Variants in PTPRR observed in about 807,000 individuals in gnomAD.
PTPRR encodes protein tyrosine phosphatase receptor type R, also known as receptor-type tyrosine-protein phosphatase R.
PTPRR carries 38 observed loss-of-function variants against 77.2 expected under a neutral mutation model. The ratio of observed to expected loss-of-function variants is 0.49; its 90% CI spans 0.38 to 0.65. The LOEUF (loss-of-function observed/expected upper bound fraction) is 0.65. Among genes scored for constraint, PTPRR ranks in the 30% least tolerant of loss-of-function variants. The pLI, the probability that PTPRR is intolerant of heterozygous loss-of-function variation, is 0.00. For synonymous variants in PTPRR, 299 were observed against 283.1 expected (o/e 1.06, Z -0.57); for missense variants, 744 against 799.2 (o/e 0.93, Z 0.83).
chr12:70,718,935 TTCCACCAATAA>T (rs1340016577), intron 6 of PTPRR, among the ~76,000 whole-genome samples: 4 of 152,202 alleles, frequency 2.6e-5, no homozygotes, highest in African/African-American at 7.2e-5. Flanking sequence ...TACGCACATT[TTCCACCAATAA>T]TTCTCCATGT....
At chr12:70,736,232 T>C (rs974007630) in intron 6 of PTPRR, among the ~76,000 whole-genome samples, 1 of 152,182 alleles carries the variant, frequency 6.6e-6, no homozygotes, top group Non-Finnish European at 1.5e-5. Context: ...AATGGTTATC[T>C]GTCATGAGTG....
chr12:70,757,883 T>C (rs1182728008), intron 4 of PTPRR, among the ~76,000 whole-genome samples: 1 of 152,164 alleles, frequency 6.6e-6, no homozygotes, highest in Non-Finnish European at 1.5e-5. Flanking sequence ...AAAAAATGAA[T>C]AAAGTTGTAA....
rs370679078 is a variant in PTPRR, at chr12:70,746,090, T to C, written c.739-4A>G. 3.7e-5 allele frequency: 59 copies of C among 1,604,132 alleles called. No homozygotes were observed. The African/African-American group carries it at 5.2e-4, about 14-fold the overall frequency. ...TTTCTTTTAATCTGTAAAGAATCTA[T>C]AGAAGGAGATATAAAAAACTCCTGT... On this transcript the variant is annotated splice_polypyrimidine_tract_variant and splice_region_variant and intron_variant, in intron 5 of 13. Transcript: ENST00000283228.
chr12:70,717,862 A>G (rs564005966), intron 6 of PTPRR, among the ~76,000 whole-genome samples: 1 of 152,346 alleles, frequency 6.6e-6, no homozygotes, highest in South Asian at 2.1e-4. Flanking sequence ...TCTGTTTATC[A>G]TAATGTTTTG....
chr12:70,796,065 A>T (rs1891508290), intron 2 of PTPRR, among the ~76,000 whole-genome samples: 1 of 151,740 alleles, frequency 6.6e-6, no homozygotes, highest in Non-Finnish European at 1.5e-5. Flanking sequence ...CTGGGACTAC[A>T]GGTGCTTGCC....
intron 2 of PTPRR, among the ~76,000 whole-genome samples, chr12:70,867,236 G>A (rs1892869355): frequency 6.6e-6 from 1 of 152,058 alleles, no homozygotes; most frequent in South Asian, 2.1e-4. Context: ...ATCAGGAAAA[G>A]AGGAAGTCAA....
intron 6 of PTPRR, among the ~76,000 whole-genome samples, chr12:70,737,017 C>T (rs1337036925): frequency 6.6e-6 from 1 of 152,182 alleles, no homozygotes; most frequent in Non-Finnish European, 1.5e-5. Flanking sequence ...GGGAGGGTAG[C>T]CTGTTAGTGG....
intron 12 of PTPRR, among the ~76,000 whole-genome samples, chr12:70,657,586 C>G (rs1191288376): frequency 6.6e-6 from 1 of 152,202 alleles, no homozygotes; most frequent in Non-Finnish European, 1.5e-5. Context: ...TACATCTAGA[C>G]TCCCTAAATT....
At chr12:70,692,214 C>A in intron 8 of PTPRR, among the ~76,000 whole-genome samples, 2 of 152,040 alleles carry the variant, frequency 1.3e-5, no homozygotes, top group Non-Finnish European at 2.9e-5. Flanking sequence ...GTCCGTTGGA[C>A]TCAATTTTAT....
intron 3 of PTPRR, among the ~76,000 whole-genome samples, chr12:70,764,281 G>A (rs1269485104): frequency 6.6e-6 from 1 of 152,080 alleles, no homozygotes; most frequent in African/African-American, 2.4e-5. Flanking sequence ...TGATATAGAA[G>A]CTTTCACTCT....
chr12:70,894,907 G>T (rs77494932), intron 1 of PTPRR, among the ~76,000 whole-genome samples: 1 of 151,618 alleles, frequency 6.6e-6, no homozygotes, highest in Non-Finnish European at 1.5e-5. Flanking sequence ...TAGCATGCTC[G>T]GAACTGAAGA....
intron 4 of PTPRR, among the ~76,000 whole-genome samples, chr12:70,759,679 T>TAAAAAAAAAAAAAAAA (rs34011060): frequency 2.9e-5 from 1 of 34,430 alleles, no homozygotes; most frequent in Non-Finnish European, 5.6e-5. Flanking sequence ...GACTCCGTCT[T>TAAAAAAAAAAAAAAAA]AAAAAAAAAA....
At chr12:70,741,429 G>A (rs889411312) in intron 6 of PTPRR, among the ~76,000 whole-genome samples, 2 of 152,168 alleles carry the variant, frequency 1.3e-5, no homozygotes, top group African/African-American at 4.8e-5. Flanking sequence ...GGCAGAGGGA[G>A]CCTCAAATTG....
chr12:70,652,933 T>C (rs1886449566), intron 13 of PTPRR, among the ~76,000 whole-genome samples: 1 of 152,098 alleles, frequency 6.6e-6, no homozygotes, highest in Non-Finnish European at 1.5e-5. Context: ...CAAGAATTAA[T>C]GGTAACATAA....
intron 6 of PTPRR, among the ~76,000 whole-genome samples, chr12:70,738,376 C>T (rs1299234862): frequency 6.6e-6 from 1 of 152,166 alleles, no homozygotes; most frequent in Non-Finnish European, 1.5e-5. Context: ...TATCATAGTC[C>T]TGATGGCCCA....
chr12:70,742,073 A>G (rs1890066256), intron 6 of PTPRR, among the ~76,000 whole-genome samples: 1 of 152,224 alleles, frequency 6.6e-6, no homozygotes. Flanking sequence ...ACATGGTGGT[A>G]ACTGTCCTGG....
intron 6 of PTPRR, among the ~76,000 whole-genome samples, chr12:70,725,850 C>A (rs560104642): frequency 7.2e-5 from 11 of 152,210 alleles, no homozygotes; most frequent in African/African-American, 2.6e-4. Flanking sequence ...GCCAATATTT[C>A]TAGACTCTGT....
intron 10 of PTPRR, among the ~76,000 whole-genome samples, chr12:70,679,126 T>C (rs184837666): frequency 1.2e-3 from 176 of 152,348 alleles, no homozygotes; most frequent in Non-Finnish European, 1.6e-3. Context: ...ATGCTGTCTT[T>C]CTATTTGTCT....
intron 1 of PTPRR, among the ~76,000 whole-genome samples, chr12:70,897,586 A>T (rs966551241): frequency 3.3e-5 from 5 of 152,034 alleles, no homozygotes; most frequent in African/African-American, 9.7e-5. Context: ...CCATTGTGGA[A>T]GTCAGTGTGG....
Sources: gnomAD v4.1 joint callset for allele counts (sites outside exome capture counted in the v4.1 genomes callset) on GRCh38, gnomAD v4.1.1 for gene constraint, MANE v1.5 for transcripts, NCBI Gene and HGNC (gene_info 2026-07-23, HGNC 2026-07-21) for gene names.